SPOCK1: variants seen among roughly 807,000 people sequenced by gnomAD.
SPOCK1 encodes the protein SPARC (osteonectin), cwcv and kazal like domains proteoglycan 1, also known as testican-1.
In SPOCK1, 23 loss-of-function variants were observed where a neutral mutation model predicts 55.3. The observed-to-expected ratio is 0.42, with a 90% CI of 0.30 to 0.59. The LOEUF (loss-of-function observed/expected upper bound fraction) is 0.59, where lower values mean the gene tolerates loss of function less well. SPOCK1 is among the 20% of genes least tolerant of loss of function. The probability of loss-of-function intolerance (pLI) is 0.22; values close to 1 mark genes in which losing one functional copy is unlikely to be tolerated. For synonymous variants in SPOCK1, 226 were observed against 221.0 expected, an observed-to-expected ratio of 1.02 and a Z score of -0.20; for missense variants, 499 against 552.5, an observed-to-expected ratio of 0.90 and a Z score of 0.97.
At chr5:137,189,677 C>T (rs1480240072) in intron 3 of SPOCK1, among the ~76,000 whole-genome samples, 4 of 152,040 alleles carry the variant, frequency 2.6e-5, no homozygotes, top group Non-Finnish European at 5.9e-5. Context: ...TTGTAGGCCA[C>T]GGATCAAGAG....
At chr5:137,078,164 G>T (rs1341811084) in intron 5 of SPOCK1, among the ~76,000 whole-genome samples, 1 of 152,142 alleles carries the variant, frequency 6.6e-6, no homozygotes, top group African/African-American at 2.4e-5. Context: ...GAGGCAATGT[G>T]GGAGCAGAGA....
At chr5:137,390,270 A>G (rs1751690479) in intron 2 of SPOCK1, among the ~76,000 whole-genome samples, 1 of 152,186 alleles carries the variant, frequency 6.6e-6, no homozygotes, top group Non-Finnish European at 1.5e-5. Context: ...GCTTGCCTGG[A>G]AGCCGTATGT....
intron 3 of SPOCK1, among the ~76,000 whole-genome samples, chr5:137,207,222 A>G (rs991342340): frequency 2.0e-5 from 3 of 152,192 alleles, no homozygotes; most frequent in Non-Finnish European, 4.4e-5. Flanking sequence ...CGGCACTGCT[A>G]TCACTCTGCC....
At chr5:137,158,121 C>G (rs1754454029) in intron 3 of SPOCK1, among the ~76,000 whole-genome samples, 1 of 151,838 alleles carries the variant, frequency 6.6e-6, no homozygotes, top group African/African-American at 2.4e-5. Flanking sequence ...TGTGGGGTCC[C>G]AAATGCCCAA....
intron 2 of SPOCK1, among the ~76,000 whole-genome samples, chr5:137,298,903 T>C (rs1757538728): frequency 6.6e-6 from 1 of 152,158 alleles, no homozygotes; most frequent in South Asian, 2.1e-4. Flanking sequence ...AAGCCTCTTG[T>C]AGACAACATT....
chr5:137,434,913 T>C (rs1049367358), intron 2 of SPOCK1, among the ~76,000 whole-genome samples: 1 of 152,196 alleles, frequency 6.6e-6, no homozygotes, highest in African/African-American at 2.4e-5. Context: ...TGAAGCAAGA[T>C]TCTGATTATA....
chr5:137,102,146 T>G (rs558842044), intron 5 of SPOCK1, among the ~76,000 whole-genome samples: 7 of 152,218 alleles, frequency 4.6e-5, no homozygotes, highest in African/African-American at 1.4e-4. Flanking sequence ...TCCCACTTCT[T>G]CTGCTGAAAA....
At chr5:137,077,884 G>T (rs984055150) in intron 5 of SPOCK1, among the ~76,000 whole-genome samples, 1 of 152,178 alleles carries the variant, frequency 6.6e-6, no homozygotes, top group African/African-American at 2.4e-5. Flanking sequence ...ACAGGAAGAG[G>T]TTGCTGAAAT....
intron 2 of SPOCK1, among the ~76,000 whole-genome samples, chr5:137,422,942 G>T (rs1022993282): frequency 3.1e-4 from 47 of 152,204 alleles, no homozygotes; most frequent in Middle Eastern, 3.4e-3. Context: ...TTTGATGATG[G>T]TGACGTACAG....
At chr5:137,287,371 A>G (rs1757290322) in intron 2 of SPOCK1, among the ~76,000 whole-genome samples, 1 of 152,222 alleles carries the variant, frequency 6.6e-6, no homozygotes, top group Admixed American at 6.5e-5. Flanking sequence ...ACACAGAGGC[A>G]TGCTCCTGCC....
At chr5:137,486,709 G>T (rs1246403674) in intron 2 of SPOCK1, among the ~76,000 whole-genome samples, 2 of 152,212 alleles carry the variant, frequency 1.3e-5, no homozygotes, top group African/African-American at 2.4e-5. Context: ...ACATGAAAAG[G>T]TCTTTCTGGC....
intron 2 of SPOCK1, among the ~76,000 whole-genome samples, chr5:137,434,455 T>C (rs944618114): frequency 1.3e-5 from 2 of 150,194 alleles, no homozygotes; most frequent in African/African-American, 2.4e-5. Flanking sequence ...GAGAAAAAGA[T>C]TTCCCTTCTC....
At chr5:137,142,052 T>G (rs1242893419) in intron 3 of SPOCK1, among the ~76,000 whole-genome samples, 1 of 152,206 alleles carries the variant, frequency 6.6e-6, no homozygotes, top group Non-Finnish European at 1.5e-5. Context: ...CTTCAAGCTC[T>G]GGGGCCTAAA....
chr5:137,352,966 T>C (rs1404890177), intron 2 of SPOCK1, among the ~76,000 whole-genome samples: 2 of 152,202 alleles, frequency 1.3e-5, no homozygotes, highest in Non-Finnish European at 2.9e-5. Flanking sequence ...ACAAAGTCCT[T>C]TTGATGGCTA....
At chr5:137,143,418 A>G (rs933534829) in intron 3 of SPOCK1, among the ~76,000 whole-genome samples, 1 of 152,216 alleles carries the variant, frequency 6.6e-6, no homozygotes, top group Non-Finnish European at 1.5e-5. Flanking sequence ...ATCCGGGAAC[A>G]GCACAGACTC....
At chr5:137,225,218 G>A (rs1280830193) in intron 3 of SPOCK1, among the ~76,000 whole-genome samples, 1 of 151,918 alleles carries the variant, frequency 6.6e-6, no homozygotes, top group Non-Finnish European at 1.5e-5. Context: ...GCAGAACTGG[G>A]CTCAGTTTCC....
At chr5:137,407,385 G>C (rs975840580) in intron 2 of SPOCK1, among the ~76,000 whole-genome samples, 3 of 152,112 alleles carry the variant, frequency 2.0e-5, no homozygotes, top group Non-Finnish European at 2.9e-5. Context: ...CAGAGGGCAG[G>C]ATGTTATGAT....
In SPOCK1 at chr5:137,067,763, G is replaced by A; in HGVS notation, c.541C>T (p.Pro181Ser). 1 of 1,614,138 alleles carries A rather than the reference G, an allele frequency of 6.2e-7. No homozygotes were observed. Among genetic ancestry groups the A allele is most frequent in the Non-Finnish European group, 8.5e-7 (1 of 1,180,028 alleles). Residue 181 changes from proline (P) to serine (S), a missense_variant, in exon 6 of 11, where the codon CCC becomes TCC. This residue lies in a region of SPOCK1 where 386 missense variants were observed against 400.6 expected (regional missense o/e 0.96). Transcript: ENST00000394945. ...SLATLCDGPC[P>S]CLPEPEPPKH... ...GGTGGCTCAGGCTCTGGGAGACAGG[G>A]ACAGGGCCCATCACAGAGGGTGGCG...
At chr5:137,152,836 T>C (rs535219661) in intron 3 of SPOCK1, among the ~76,000 whole-genome samples, 10 of 152,128 alleles carry the variant, frequency 6.6e-5, no homozygotes, top group Non-Finnish European at 1.5e-4. Flanking sequence ...CTGAGGTGCT[T>C]TCATGTCTCT....
Sources: gnomAD v4.1 joint callset for allele counts (sites outside exome capture counted in the v4.1 genomes callset) on GRCh38, gnomAD v4.1.1 for gene constraint, gnomAD v4.1.1 regional missense constraint, MANE v1.5 for transcripts, NCBI Gene and HGNC (gene_info 2026-07-23, HGNC 2026-07-21) for gene names.